The following YTHDC2 variants were observed in gnomAD, a reference collection of about 807,000 sequenced individuals.
YTHDC2 encodes the protein YTH N6-methyladenosine RNA binding protein C2.
Under a neutral mutation model 174.9 loss-of-function variants are expected in YTHDC2, and 45 were observed. That is an observed-to-expected ratio of 0.26 (90% CI 0.20 to 0.33). YTHDC2 has a LOEUF of 0.33. Among genes scored for constraint, YTHDC2 ranks in the 10% least tolerant of loss-of-function variants. The probability of loss-of-function intolerance (pLI) is 1.00; values close to 1 mark genes in which losing one functional copy is unlikely to be tolerated. For missense variants in YTHDC2, 1,650 were observed against 1,723.7 expected (o/e 0.96, Z 0.76); for synonymous variants, 657 against 574.5 (o/e 1.14, Z -2.05).
chr5:113,584,270 A>T, intron 25 of YTHDC2, 32 bp from the exon 26 acceptor site: 1 of 1,583,816 alleles, frequency 6.3e-7, no homozygotes, highest in South Asian at 1.2e-5. Context: ...ACTTATATAT[A>T]ACTGATCTTT....
chr5:113,579,387 G>A (rs986481650), intron 23 of YTHDC2, among the ~76,000 whole-genome samples, 199 bp from the exon 24 acceptor site: 3 of 152,002 alleles, frequency 2.0e-5, no homozygotes, highest in African/African-American at 7.2e-5. Flanking sequence ...AGACATTATA[G>A]TCTTCAAATG....
Position 113,579,816 on chromosome 5 carries a change from T to A in YTHDC2, c.3354+121T>A, listed in dbSNP as rs893908236. 4 of 1,299,648 alleles carry A rather than the reference T, an allele frequency of 3.1e-6. No homozygotes were observed. In the African/African-American group the frequency reaches 6.1e-5, roughly 20 times the overall value. 80.5% of individuals were successfully genotyped at this position (1,299,648 alleles called of 1,614,324 possible). Reference sequence around the variant, plus strand: ...CTTAGTATCAGAGAATATAACTTGTTTTTCAGTTTTCTTGGGGACCTCATT... The same window carrying A: ...CTTAGTATCAGAGAATATAACTTGTATTTCAGTTTTCTTGGGGACCTCATT... On this transcript the variant is annotated intron_variant, in intron 24 of 29. Coordinates refer to ENST00000161863, the MANE Select transcript of YTHDC2 (RefSeq NM_022828.5).
At chr5:113,584,257 C>T (rs1201385440) in intron 25 of YTHDC2, 45 bp from the exon 26 acceptor site, 17 of 1,519,264 alleles carry the variant, frequency 1.1e-5, no homozygotes, top group Admixed American at 7.9e-5. Context: ...CTTTGTATGA[C>T]GAACTTATAT....
rs1158935454 is a variant in YTHDC2 at position 113,563,781 on chromosome 5, C to T, written c.2443-78C>T. 5.4e-6 allele frequency: 8 copies of T among 1,491,800 alleles called. No individual in the cohort carries two copies. The South Asian group carries it at 8.8e-5, about 16-fold the overall frequency. The allele number at this position is 1,491,800 out of a possible 1,614,324, so 92.4% of individuals were successfully genotyped here. A position where few individuals can be genotyped will look rare whatever the true frequency, so the allele number is the denominator to read the frequency against. ...AAAGAAAATCTATATTCTTATTTCT[C>T]ATTTAGGGGTTTTTAATTATGTGTT... On this transcript the variant is annotated intron_variant, in intron 19 of 29. Coordinates refer to ENST00000161863, the MANE Select transcript of YTHDC2 (RefSeq NM_022828.5).
intron 23 of YTHDC2, among the ~76,000 whole-genome samples, 166 bp downstream of exon 23, chr5:113,568,015 G>A (rs888024607): frequency 6.6e-6 from 1 of 151,928 alleles, no homozygotes; most frequent in Non-Finnish European, 1.5e-5. Flanking sequence ...GTATACTACT[G>A]TTTTTGAAAT....
intron 2 of YTHDC2, among the ~76,000 whole-genome samples, chr5:113,522,734 C>T (rs1392651020): frequency 6.6e-6 from 1 of 152,064 alleles, no homozygotes; most frequent in Admixed American, 6.5e-5. Context: ...TTAATGTTTC[C>T]ATCCTCACAA....
chr5:113,526,823 AAAAAT>A lies in YTHDC2; in HGVS notation c.675+40_675+44del, dbSNP rs759995731. The A allele has an allele frequency of 6.8e-3, 2,230 of 325,764 alleles. 20 individuals carry two copies. Among genetic ancestry groups the A allele is most frequent in the African/African-American group, 0.042 (1,544 of 37,182 alleles). The allele number at this position is 325,764 out of a possible 1,614,324, so 20.2% of individuals were successfully genotyped here. A position where few individuals can be genotyped will look rare whatever the true frequency, so the allele number is the denominator to read the frequency against. Reference sequence around the variant, plus strand: ...TTTGTTGTTTATAGAAAAAAAAAAAAAAAATATATATATATATATATATATAGTCC... The same window carrying A: ...TTTGTTGTTTATAGAAAAAAAAAAAAATATATATATATATATATATAGTCC... On this transcript the variant is annotated intron_variant, in intron 4 of 29. Coordinates refer to ENST00000161863, the MANE Select transcript of YTHDC2 (RefSeq NM_022828.5).
chr5:113,576,629 T>C (rs1778065707), intron 23 of YTHDC2, among the ~76,000 whole-genome samples: 1 of 152,180 alleles, frequency 6.6e-6, no homozygotes, highest in Non-Finnish European at 1.5e-5. Flanking sequence ...GATTCCTTCA[T>C]TTGCTCTTTT....
At chr5:113,560,943 A>G (rs1776921251) in intron 17 of YTHDC2, 137 bp from the exon 18 acceptor site, 1 of 650,022 alleles carries the variant, frequency 1.5e-6, no homozygotes, top group African/African-American at 1.9e-5. Context: ...TGATAAGAGG[A>G]TAAGAAACAG....
Position 113,565,923 on chromosome 5 carries a change from G to C in YTHDC2, c.2746G>C (p.Glu916Gln). 1 of 1,613,554 alleles carries C rather than the reference G, an allele frequency of 6.2e-7. No individual in the cohort carries two copies. Among genetic ancestry groups the C allele is most frequent in the Non-Finnish European group, 8.5e-7 (1 of 1,179,742 alleles). The change falls in exon 21 of 30, where the codon GAG becomes CAG. Residue 916 changes from glutamate to glutamine, a missense_variant. Around this residue, in one of 5 missense-constraint regions of YTHDC2, gnomAD observed 913 missense variants for 940.4 expected, o/e 0.97. Transcript: ENST00000161863. ...GCAAAAAGCACGAAGTGATGGGTGG[G>C]AGCGAGCCTTTTGTGAAAAGAATTT... ...AWQKARSDGWERAFCEKNFLS... is the reference protein window; with the variant it reads ...AWQKARSDGWQRAFCEKNFLS...
chr5:113,536,907 A>G (rs894982680), intron 7 of YTHDC2, among the ~76,000 whole-genome samples: 2 of 152,208 alleles, frequency 1.3e-5, no homozygotes, highest in Non-Finnish European at 2.9e-5. Flanking sequence ...TTGCTTTATC[A>G]TGAACAGTTT....
chr5:113,565,227 T>G (rs968965306), intron 20 of YTHDC2, among the ~76,000 whole-genome samples: 1 of 152,234 alleles, frequency 6.6e-6, no homozygotes, highest in Non-Finnish European at 1.5e-5. Context: ...TTTGTGAGTA[T>G]TGATCAATGG....
In YTHDC2 at chr5:113,526,684, T is replaced by A. The variant is rs1429366700; in HGVS notation, c.574T>A (p.Ser192Thr). ...ATCCGAATTTGATTCTTTTAGGCAG[T>A]CTTTACCAGTGTTTGAGAAACAGGA... ...GESEFDSFRQ[S>T]LPVFEKQEEI... Residue 192 changes from serine (S) to threonine (T), a missense_variant, in exon 4 of 30, where the codon TCT becomes ACT. Ser to Thr is a moderately conservative substitution (Grantham distance 58, BLOSUM62 1). Coordinates refer to ENST00000161863, the MANE Select transcript of YTHDC2 (RefSeq NM_022828.5). 1 of 1,597,450 alleles carries A rather than the reference T, an allele frequency of 6.3e-7. No homozygotes were observed. Among genetic ancestry groups the A allele is most frequent in the South Asian group, 1.1e-5 (1 of 88,886 alleles).
intron 18 of YTHDC2, among the ~76,000 whole-genome samples, chr5:113,562,277 G>GGTGT (rs899167363): frequency 2.6e-5 from 3 of 117,350 alleles, no homozygotes; most frequent in African/African-American, 9.6e-5. Flanking sequence ...GGTGTGTGTG[G>GGTGT]GTGTGTGTGT....
chr5:113,514,121 A>G (rs368164210), intron 1 of YTHDC2, 39 bp downstream of exon 1: 13 of 1,581,428 alleles, frequency 8.2e-6, no homozygotes, highest in Non-Finnish European at 1.0e-5. Flanking sequence ...CAGTCAGGAT[A>G]CCCCCCTCAC....
chr5:113,545,523 A>G (rs1367539794), intron 10 of YTHDC2, among the ~76,000 whole-genome samples: 1 of 138,612 alleles, frequency 7.2e-6, no homozygotes, highest in African/African-American at 2.6e-5. Context: ...TTGGATTTAG[A>G]TACTTCTAAT....
At chr5:113,585,238 G>A (rs1016296916) in intron 26 of YTHDC2, among the ~76,000 whole-genome samples, 11 of 151,878 alleles carry the variant, frequency 7.2e-5, no homozygotes, top group African/African-American at 2.7e-4. Flanking sequence ...AGGAAGGTAG[G>A]AGATGTTGAT....
In YTHDC2 at chr5:113,548,614, A is replaced by G. The variant is rs1223017971; in HGVS notation, c.1569A>G (p.Val523=). The change falls in exon 11 of 30, where the codon GTA becomes GTG. Residue 523 remains valine (V), a synonymous_variant. Coordinates refer to ENST00000161863, the MANE Select transcript of YTHDC2 (RefSeq NM_022828.5). The part of the protein sequence containing the change: ...VAAGRGFASQ[V]EQLISMGANV... The stretch of plus-strand genomic sequence containing the variant: ...CAGGACGTGGCTTTGCAAGTCAAGT[A>G]GAACAGTTAATCAGTATGGGAGCCA... 11 of 1,613,584 alleles carry G rather than the reference A, an allele frequency of 6.8e-6. No homozygotes were observed. The highest frequency in any genetic ancestry group is 9.3e-6 in the Non-Finnish European group (11 of 1,179,716).
chr5:113,589,402 A>ATATATATATATATAT (rs1441251527), intron 26 of YTHDC2, among the ~76,000 whole-genome samples: 22 of 114,192 alleles, frequency 1.9e-4, no homozygotes, highest in African/African-American at 8.8e-4. Flanking sequence ...AATTAAAAAA[A>ATATATATATATATAT]AAAAAAATAT....
Sources: allele counts gnomAD v4.1 joint callset (sites outside exome capture counted in the v4.1 genomes callset), GRCh38; gene constraint gnomAD v4.1.1; regional missense constraint gnomAD v4.1.1; transcripts MANE v1.5; gene names NCBI Gene and HGNC (gene_info 2026-07-23, HGNC 2026-07-21).